SYT9: variants seen among roughly 807,000 people sequenced by gnomAD.
SYT9 encodes synaptotagmin-9.
SYT9 carries 22 observed loss-of-function variants against 48.4 expected under a neutral mutation model. The ratio of observed to expected loss-of-function variants is 0.45; its 90% CI spans 0.32 to 0.65. SYT9 has a LOEUF of 0.65. Ranked by LOEUF, SYT9 falls within the 30% of genes least tolerant of loss-of-function variation. The probability of loss-of-function intolerance (pLI) is 0.03; values close to 1 mark genes in which losing one functional copy is unlikely to be tolerated. For missense variants in SYT9, 577 were observed against 622.0 expected, an observed-to-expected ratio of 0.93 and a Z score of 0.77; for synonymous variants, 265 against 245.0, an observed-to-expected ratio of 1.08 and a Z score of -0.76.
chr11:7,460,760 T>C (rs994615841), intron 6 of SYT9, among the ~76,000 whole-genome samples: 9 of 152,202 alleles, frequency 5.9e-5, no homozygotes, highest in African/African-American at 1.9e-4. Flanking sequence ...AAAATTGGGA[T>C]AACAACATGT....
intron 1 of SYT9, among the ~76,000 whole-genome samples, chr11:7,287,285 A>G (rs1848614399): frequency 2.0e-5 from 3 of 152,160 alleles, no homozygotes; most frequent in Non-Finnish European, 4.4e-5. Flanking sequence ...CTCACTCTCT[A>G]TCACAAGAAC....
intron 2 of SYT9, among the ~76,000 whole-genome samples, chr11:7,303,900 G>A (rs527719941): frequency 2.0e-5 from 3 of 152,234 alleles, no homozygotes; most frequent in Non-Finnish European, 2.9e-5. Context: ...TTCAGACTCC[G>A]CCGTGTGGCT....
At chr11:7,422,506 A>C (rs1264632856) in intron 6 of SYT9, among the ~76,000 whole-genome samples, 2 of 152,210 alleles carry the variant, frequency 1.3e-5, no homozygotes, top group Non-Finnish European at 2.9e-5. Context: ...AAAGGAGTCC[A>C]TCTGTGGGCT....
At position 7,453,917 on chromosome 11, in the gene SYT9, GCCCTC is replaced by G. The variant is rs377073172; in HGVS notation, c.1468-12873_1468-12869del. 75 of 870,782 alleles carry G rather than the reference GCCCTC, an allele frequency of 8.6e-5. 1 individual carries two copies. The East Asian group carries it at 5.2e-3, about 60-fold the overall frequency. 53.9% of individuals were successfully genotyped at this position (870,782 alleles called of 1,614,324 possible). A position where few individuals can be genotyped will look rare whatever the true frequency, so the allele number is the denominator to read the frequency against. ...TGGCCCCTAAGTTCAGATCTCAGTC[GCCCTC>G]CTCAGGAGCACCAGGGAAGAGGCCT... is the stretch of plus-strand genomic sequence containing the variant. On this transcript the variant is annotated intron_variant, in intron 6 of 6. Transcript: ENST00000318881.
intron 3 of SYT9, among the ~76,000 whole-genome samples, chr11:7,403,762 C>T (rs1846945406): frequency 2.1e-5 from 1 of 47,244 alleles, no homozygotes; most frequent in South Asian, 4.4e-4. Flanking sequence ...TCTTGGTGCA[C>T]CTAAAAAAAA....
chr11:7,365,539 T>C (rs1018541277), intron 3 of SYT9, among the ~76,000 whole-genome samples: 2 of 152,164 alleles, frequency 1.3e-5, no homozygotes, highest in African/African-American at 4.8e-5. Context: ...ACTGTTTCGT[T>C]TGTCTTTGCT....
chr11:7,301,834 A>G (rs745506095), intron 1 of SYT9, among the ~76,000 whole-genome samples: 2 of 152,222 alleles, frequency 1.3e-5, no homozygotes, highest in Admixed American at 6.5e-5. Flanking sequence ...TACAGCCACC[A>G]TAATGCCAGA....
At chr11:7,421,854 A>C (rs1175650710) in intron 6 of SYT9, among the ~76,000 whole-genome samples, 1 of 152,232 alleles carries the variant, frequency 6.6e-6, no homozygotes, top group East Asian at 1.9e-4. Context: ...CACAAATACA[A>C]GCATTTCCAT....
At chr11:7,416,493 C>T (rs929407789) in intron 4 of SYT9, among the ~76,000 whole-genome samples, 2 of 152,122 alleles carry the variant, frequency 1.3e-5, no homozygotes, top group Non-Finnish European at 2.9e-5. Context: ...CTTCTATATC[C>T]ACCAGTTCCA....
Position 7,420,503 on chromosome 11 carries a change from C to T in SYT9, c.1338-3C>T. 3 of 1,613,564 alleles carry T rather than the reference C, an allele frequency of 1.9e-6. No homozygotes were observed. The highest frequency in any genetic ancestry group is 2.5e-6 in the Non-Finnish European group (3 of 1,179,766). ...AAAAAACTATTGTGGGCCATTTTCA[C>T]AGTGTAGGTCACAATGAGATCATCG... On this transcript the variant is annotated splice_region_variant and splice_polypyrimidine_tract_variant and intron_variant, in intron 5 of 6. Transcript: ENST00000318881.
intron 3 of SYT9, among the ~76,000 whole-genome samples, chr11:7,364,917 A>G (rs954641485): frequency 2.0e-5 from 3 of 152,196 alleles, no homozygotes; most frequent in Non-Finnish European, 4.4e-5. Flanking sequence ...GAAAGAAAAA[A>G]GAATCTGTCC....
intron 3 of SYT9, among the ~76,000 whole-genome samples, chr11:7,337,041 C>A (rs1849642462): frequency 6.6e-6 from 1 of 152,048 alleles, no homozygotes; most frequent in South Asian, 2.1e-4. Context: ...TTTTGTAATT[C>A]TCACTGTAGA....
rs186868531 is a variant in SYT9, at chr11:7,368,534, G to T, written c.1045-47508G>T. ...CTCCCCTTGCCCCCATCCCCTGACAGGCCCTGGTGTGTGATATTCCCCTCC... is the reference window on the plus strand; with the variant it reads ...CTCCCCTTGCCCCCATCCCCTGACATGCCCTGGTGTGTGATATTCCCCTCC... On this transcript the variant is annotated intron_variant, in intron 3 of 6. Transcript: ENST00000318881. 3.4e-3 allele frequency among the ~76,000 whole-genome samples: 511 copies of T among 152,110 alleles called. 12 individuals are homozygous for T. Among genetic ancestry groups the T allele is most frequent in the Admixed American group, 0.03 (455 of 15,274 alleles).
chr11:7,456,379 C>T (rs899376503), intron 6 of SYT9, among the ~76,000 whole-genome samples: 7 of 152,228 alleles, frequency 4.6e-5, no homozygotes, highest in African/African-American at 9.6e-5. Flanking sequence ...GCACACAGCT[C>T]CTCACAGTGG....
chr11:7,290,280 A>T (rs536549951), intron 1 of SYT9, among the ~76,000 whole-genome samples: 1 of 152,330 alleles, frequency 6.6e-6, no homozygotes, highest in African/African-American at 2.4e-5. Flanking sequence ...AAGCAAGACT[A>T]TTTGGAACTA....
At chr11:7,313,151 C>T (rs557331924) in intron 2 of SYT9, among the ~76,000 whole-genome samples, 1 of 152,254 alleles carries the variant, frequency 6.6e-6, no homozygotes, top group African/African-American at 2.4e-5. Context: ...CTTTAAAGCT[C>T]TGAGGTCACA....
At chr11:7,389,982 A>C (rs1483438327) in intron 3 of SYT9, among the ~76,000 whole-genome samples, 2 of 152,230 alleles carry the variant, frequency 1.3e-5, no homozygotes, top group South Asian at 4.1e-4. Flanking sequence ...TTAGAGCACA[A>C]TAAATACTAA....
chr11:7,405,848 T>C (rs1846997634), intron 3 of SYT9, among the ~76,000 whole-genome samples: 1 of 152,214 alleles, frequency 6.6e-6, no homozygotes, highest in African/African-American at 2.4e-5. Context: ...GGATTTATTT[T>C]ACAAGCACTT....
chr11:7,263,102 C>A lies in SYT9; in HGVS notation c.145+10771C>A, dbSNP rs150158221. On this transcript the variant is annotated intron_variant, in intron 1 of 6. Coordinates refer to ENST00000318881, the MANE Select transcript of SYT9 (RefSeq NM_175733.4). ...TGTAGGCATTTAGGCACCAAAGGCACATAGATGATATTTAAAACCAAAAAA... is the reference window on the plus strand; with the variant it reads ...TGTAGGCATTTAGGCACCAAAGGCAAATAGATGATATTTAAAACCAAAAAA... Among the ~76,000 whole-genome samples the A allele has an allele frequency of 6.4e-3, 972 of 152,270 alleles. 7 individuals carry two copies. Among genetic ancestry groups the A allele is most frequent in the South Asian group, 0.043 (206 of 4,818 alleles).
Sources: allele counts gnomAD v4.1 joint callset (sites outside exome capture counted in the v4.1 genomes callset), GRCh38; gene constraint gnomAD v4.1.1; transcripts MANE v1.5; gene names NCBI Gene and HGNC (gene_info 2026-07-23, HGNC 2026-07-21).